CAMTA1: variants seen among roughly 807,000 people sequenced by gnomAD.
The protein encoded by CAMTA1 is calmodulin-binding transcription activator 1.
In CAMTA1, 27 loss-of-function variants were observed where a neutral mutation model predicts 170.9. The observed-to-expected ratio is 0.16, with a 90% CI of 0.12 to 0.22. The LOEUF (loss-of-function observed/expected upper bound fraction) is 0.22. Ranked by LOEUF, CAMTA1 falls within the 10% of genes least tolerant of loss-of-function variation. The pLI is 1.00. For synonymous variants in CAMTA1, 833 were observed against 891.5 expected, an observed-to-expected ratio of 0.93 and a Z score of 1.17; for missense variants, 1,619 against 2,217.2, an observed-to-expected ratio of 0.73 and a Z score of 5.42.
chr1:6,873,415 G>C lies in CAMTA1; in HGVS notation c.234+48205G>C, dbSNP rs756722673. ...CTGGCTCAGTGGATGGTACATGGAA[G>C]CCATGTGGGGGGCCATGACTGCTTG... is the stretch of plus-strand genomic sequence containing the variant. On this transcript the variant is annotated intron_variant, in intron 3 of 22. Transcript: ENST00000303635. Among the ~76,000 whole-genome samples, 5 of 152,148 alleles carry C rather than the reference G, an allele frequency of 3.3e-5. No individual in the cohort carries two copies. The South Asian group carries it at 1.0e-3, about 32-fold the overall frequency.
rs577557218 is a variant in CAMTA1 at position 6,952,614 on chromosome 1, C to G, written c.234+127404C>G. 2.0e-5 allele frequency among the ~76,000 whole-genome samples: 3 copies of G among 152,118 alleles called. No individual in the cohort carries two copies. The East Asian group carries it at 5.8e-4, about 29-fold the overall frequency. ...TTGGGAAGCTGAGGCAGGTGTATCA[C>G]TTGAGGTCAGGAGTTGGAGACCAGC... On this transcript the variant is annotated intron_variant, in intron 3 of 22. Transcript: ENST00000303635.
intron 6 of CAMTA1, among the ~76,000 whole-genome samples, chr1:7,542,339 G>A (rs141908649): frequency 2.0e-5 from 3 of 150,520 alleles, no homozygotes; most frequent in African/African-American, 7.5e-5. Context: ...GATAATATAA[G>A]ATGAGGTTTA....
At chr1:7,434,670 C>G (rs1318507039) in intron 5 of CAMTA1, among the ~76,000 whole-genome samples, 3 of 152,050 alleles carry the variant, frequency 2.0e-5, no homozygotes, top group African/African-American at 7.2e-5. Flanking sequence ...GTTCTGGAGG[C>G]TGGGAAGTCC....
chr1:7,259,884 G>A (rs1667922075), intron 5 of CAMTA1, among the ~76,000 whole-genome samples: 3 of 152,300 alleles, frequency 2.0e-5, no homozygotes, highest in South Asian at 2.1e-4. Flanking sequence ...TCCTCTGAAC[G>A]GGGAACTTGC....
intron 6 of CAMTA1, among the ~76,000 whole-genome samples, chr1:7,492,884 AAC>A (rs1355456274): frequency 2.7e-5 from 4 of 148,336 alleles, no homozygotes; most frequent in African/African-American, 5.0e-5. Flanking sequence ...CACATGCACA[AAC>A]ACAAACCTAC....
intron 3 of CAMTA1, among the ~76,000 whole-genome samples, chr1:6,866,040 A>AT (rs1666472310): frequency 6.6e-6 from 1 of 152,188 alleles, no homozygotes; most frequent in African/African-American, 2.4e-5. Flanking sequence ...CTTTATTCAC[A>AT]TTTTAGCAGC....
Position 6,899,204 on chromosome 1 carries a change from A to G in CAMTA1, c.234+73994A>G, listed in dbSNP as rs531652496. Among the ~76,000 whole-genome samples, 8 of 152,356 alleles carry G rather than the reference A, an allele frequency of 5.3e-5. No individual in the cohort carries two copies. In the South Asian group the frequency reaches 1.7e-3, roughly 32 times the overall value. On this transcript the variant is annotated intron_variant, in intron 3 of 22. Coordinates refer to ENST00000303635, the MANE Select transcript of CAMTA1 (RefSeq NM_015215.4). ...GTGATGGCTGAGAGGGATTCCAGCCAGTGTGTGCTAGGTTATAGTGTTTTC... is the reference window on the plus strand; with the variant it reads ...GTGATGGCTGAGAGGGATTCCAGCCGGTGTGTGCTAGGTTATAGTGTTTTC...
At chr1:7,018,425 C>T (rs1700871365) in intron 3 of CAMTA1, among the ~76,000 whole-genome samples, 1 of 152,082 alleles carries the variant, frequency 6.6e-6, no homozygotes, top group Non-Finnish European at 1.5e-5. Context: ...GGAGAGACAC[C>T]ATTTTGCCAT....
chr1:7,727,029 GT>G (rs1222283983), intron 11 of CAMTA1, among the ~76,000 whole-genome samples: 1 of 152,000 alleles, frequency 6.6e-6, no homozygotes, highest in Admixed American at 6.6e-5. Flanking sequence ...TGTTGTCTTT[GT>G]TTGAAGCATC....
intron 10 of CAMTA1, among the ~76,000 whole-genome samples, chr1:7,675,033 T>C (rs1170822383): frequency 2.6e-5 from 4 of 152,128 alleles, no homozygotes; most frequent in African/African-American, 4.8e-5. Flanking sequence ...CAGTAGAATA[T>C]GGTAATAAGG....
In CAMTA1 at chr1:6,796,572, C is replaced by T. The variant is rs191080515; in HGVS notation, c.45+10997C>T. On this transcript the variant is annotated intron_variant, in intron 1 of 22. Transcript: ENST00000303635. ...AATGGATTTAGATTTTTTTTTGGAG[C>T]ATTTTCTTGCCTTTGACATATTTTA... 1.9e-3 allele frequency among the ~76,000 whole-genome samples: 296 copies of T among 151,958 alleles called. 1 individual carries two copies. The highest frequency in any genetic ancestry group is 6.9e-3 in the African/African-American group (285 of 41,444).
chr1:7,191,487 G>C (rs1351924002), intron 4 of CAMTA1, among the ~76,000 whole-genome samples: 1 of 152,106 alleles, frequency 6.6e-6, no homozygotes, highest in African/African-American at 2.4e-5. Flanking sequence ...CTTTAAATTA[G>C]CTCTCTTGGG....
intron 4 of CAMTA1, among the ~76,000 whole-genome samples, chr1:7,219,086 A>G (rs2149114135): frequency 6.6e-6 from 1 of 152,324 alleles, no homozygotes; most frequent in South Asian, 2.1e-4. Context: ...AATCTTGAGG[A>G]TATCTTTAAA....
At chr1:7,236,516 A>G (rs1353748330) in intron 4 of CAMTA1, among the ~76,000 whole-genome samples, 3 of 152,096 alleles carry the variant, frequency 2.0e-5, no homozygotes, top group South Asian at 2.1e-4. Context: ...AGACATCAGG[A>G]GGGGGTGCAG....
At chr1:7,053,810 C>T (rs1407815414) in intron 3 of CAMTA1, among the ~76,000 whole-genome samples, 1 of 152,216 alleles carries the variant, frequency 6.6e-6, no homozygotes, top group Non-Finnish European at 1.5e-5. Flanking sequence ...GGCCTGGGAC[C>T]TGGTGGTTGG....
At chr1:7,372,846 C>G (rs185840107) in intron 5 of CAMTA1, among the ~76,000 whole-genome samples, 1 of 152,210 alleles carries the variant, frequency 6.6e-6, no homozygotes, top group Non-Finnish European at 1.5e-5. Context: ...CATCTAGAGC[C>G]GCCCGCATAG....
rs1433777539 is a variant in CAMTA1, at chr1:7,680,536, G to T, written c.2914+2803G>T. ...AACTGCTGGCGGCGCCGCGCCCCGC[G>T]GGGTCTGGGGCCCCAGCAGGGACTG... On this transcript the variant is annotated intron_variant, in intron 11 of 22. Coordinates refer to ENST00000303635, the MANE Select transcript of CAMTA1 (RefSeq NM_015215.4). The surrounding 1 kb of genome is among the most constrained non-coding windows in gnomAD (Gnocchi z 4.4). 6.6e-6 allele frequency among the ~76,000 whole-genome samples: 1 copy of T among 151,552 alleles called. No individual in the cohort carries two copies. The highest frequency in any genetic ancestry group is 1.5e-5 in the Non-Finnish European group (1 of 67,824).
At chr1:7,295,558 T>C (rs1673809742) in intron 5 of CAMTA1, among the ~76,000 whole-genome samples, 1 of 152,220 alleles carries the variant, frequency 6.6e-6, no homozygotes, top group Admixed American at 6.5e-5. Context: ...AGCAGTATAT[T>C]CCAAATTACT....
intron 8 of CAMTA1, among the ~76,000 whole-genome samples, chr1:7,662,774 G>A (rs1183027549): frequency 1.3e-5 from 2 of 152,174 alleles, no homozygotes; most frequent in Non-Finnish European, 2.9e-5. Context: ...TCTGGAGCAG[G>A]GTCGAGAACC....
Sources: allele counts gnomAD v4.1 joint callset (sites outside exome capture counted in the v4.1 genomes callset), GRCh38; gene constraint gnomAD v4.1.1; non-coding constraint Gnocchi (gnomAD v3.1); transcripts MANE v1.5; gene names NCBI Gene and HGNC (gene_info 2026-07-23, HGNC 2026-07-21).